The following GRIN2A variants were observed in gnomAD, a reference collection of about 807,000 sequenced individuals.
GRIN2A encodes the protein glutamate receptor ionotropic, NMDA 2A.
GRIN2A carries 22 observed loss-of-function variants against 113.4 expected under a neutral mutation model. That is an observed-to-expected ratio of 0.19 (90% CI 0.14 to 0.28). The LOEUF is 0.28. Ranked by LOEUF, GRIN2A falls within the 10% of genes least tolerant of loss-of-function variation. The pLI is 1.00. For missense variants in GRIN2A, 1,502 were observed against 1,887.0 expected, an observed-to-expected ratio of 0.80 and a Z score of 3.78; for synonymous variants, 827 against 738.4, an observed-to-expected ratio of 1.12 and a Z score of -1.94.
chr16:10,136,245 C>T (rs1001180023), intron 2 of GRIN2A, among the ~76,000 whole-genome samples: 3 of 152,028 alleles, frequency 2.0e-5, no homozygotes, highest in Non-Finnish European at 2.9e-5. Flanking sequence ...GCATAACTTC[C>T]AGCACACACA....
chr16:9,992,451 C>G (rs1472810629), intron 2 of GRIN2A, among the ~76,000 whole-genome samples: 1 of 152,170 alleles, frequency 6.6e-6, no homozygotes, highest in Non-Finnish European at 1.5e-5. Flanking sequence ...TGTTTCTGCC[C>G]TATTTCTTTG....
rs755577016 is a variant in GRIN2A, at chr16:9,764,233, G to A, written c.3311C>T (p.Thr1104Ile). 1.3e-5 allele frequency: 21 copies of A among 1,613,796 alleles called. No homozygotes were observed. Among genetic ancestry groups the A allele is most frequent in the South Asian group, 2.2e-5 (2 of 91,054 alleles). ...YPKDCSEVER[T>I]YLKTKSSSPR... ...GGAGCTTGATTTGGTTTTCAGGTAG[G>A]TGCGCTCGACCTCACTACAGTCCTT... The change falls in exon 13 of 13, where the codon ACC (threonine) becomes ATC (isoleucine). Residue 1104 changes from threonine to isoleucine, a missense_variant. Coordinates refer to ENST00000330684, the MANE Select transcript of GRIN2A (RefSeq NM_001134407.3).
intron 3 of GRIN2A, among the ~76,000 whole-genome samples, chr16:9,907,326 A>C (rs2044046497): frequency 6.6e-6 from 1 of 152,252 alleles, no homozygotes; most frequent in South Asian, 2.1e-4. Flanking sequence ...AGCTTGAATG[A>C]ATTGCAGAGG....
At chr16:10,079,447 G>A (rs2047938305) in intron 2 of GRIN2A, among the ~76,000 whole-genome samples, 1 of 152,306 alleles carries the variant, frequency 6.6e-6, no homozygotes, top group Non-Finnish European at 1.5e-5. Context: ...CTGAATGTCT[G>A]TATCCCTCCA....
intron 2 of GRIN2A, among the ~76,000 whole-genome samples, chr16:10,039,986 CTG>C (rs1567254225): frequency 2.9e-3 from 1 of 344 alleles, no homozygotes; most frequent in African/African-American, 9.4e-3. Flanking sequence ...CACCTCCACA[CTG>C]CACAAATACA....
chr16:10,019,027 A>G (rs1469157738), intron 2 of GRIN2A, among the ~76,000 whole-genome samples: 1 of 150,944 alleles, frequency 6.6e-6, no homozygotes, highest in African/African-American at 2.4e-5. Context: ...ATGATCATCC[A>G]TTTCCCAATA....
At chr16:9,926,946 A>G (rs2044478861) in intron 3 of GRIN2A, among the ~76,000 whole-genome samples, 2 of 151,404 alleles carry the variant, frequency 1.3e-5, no homozygotes, top group South Asian at 2.1e-4. Flanking sequence ...AAAAACATGC[A>G]CACAACACAG....
At chr16:10,105,517 G>A (rs1485669860) in intron 2 of GRIN2A, among the ~76,000 whole-genome samples, 3 of 152,008 alleles carry the variant, frequency 2.0e-5, no homozygotes, top group Non-Finnish European at 2.9e-5. Flanking sequence ...ATGGGGGAGG[G>A]GGTGTTTAAA....
intron 2 of GRIN2A, among the ~76,000 whole-genome samples, chr16:10,099,050 A>G (rs993734235): frequency 6.6e-6 from 1 of 152,270 alleles, no homozygotes; most frequent in African/African-American, 2.4e-5. Context: ...AAAATAATTT[A>G]GAAAATGCTC....
At chr16:9,823,542 T>C (rs925670871) in intron 9 of GRIN2A, among the ~76,000 whole-genome samples, 3 of 152,214 alleles carry the variant, frequency 2.0e-5, no homozygotes, top group Admixed American at 6.5e-5. Context: ...ACCTCATTTT[T>C]CTATGAAACA....
At chr16:10,062,743 T>C (rs1268047014) in intron 2 of GRIN2A, among the ~76,000 whole-genome samples, 2 of 151,998 alleles carry the variant, frequency 1.3e-5, no homozygotes, top group African/African-American at 4.8e-5. Context: ...CATATGTCTA[T>C]AATCCCGGCT....
chr16:9,926,490 T>C (rs537643769), intron 3 of GRIN2A, among the ~76,000 whole-genome samples: 17 of 152,352 alleles, frequency 1.1e-4, no homozygotes, highest in Non-Finnish European at 2.4e-4. Flanking sequence ...GAGACCTATG[T>C]TGTACACACT....
At chr16:9,786,956 T>C in intron 11 of GRIN2A, among the ~76,000 whole-genome samples, 1 of 152,174 alleles carries the variant, frequency 6.6e-6, no homozygotes, top group East Asian at 1.9e-4. Context: ...GACAATAAAG[T>C]CTTGTCAGAG....
intron 3 of GRIN2A, among the ~76,000 whole-genome samples, chr16:9,896,981 G>C (rs2043818766): frequency 6.6e-6 from 1 of 152,088 alleles, no homozygotes; most frequent in Non-Finnish European, 1.5e-5. Context: ...AGCTTTAGTG[G>C]TCAGATAAAA....
chr16:9,971,120 A>C (rs183869045), intron 2 of GRIN2A, among the ~76,000 whole-genome samples: 5 of 152,316 alleles, frequency 3.3e-5, no homozygotes, highest in Non-Finnish European at 5.9e-5. Flanking sequence ...GGTGGGGTGA[A>C]TTAAGGATGC....
At chr16:9,926,336 T>G (rs913808701) in intron 3 of GRIN2A, among the ~76,000 whole-genome samples, 1 of 152,184 alleles carries the variant, frequency 6.6e-6, no homozygotes, top group Non-Finnish European at 1.5e-5. Flanking sequence ...TGAGAAAATG[T>G]GGGCAAAAGA....
In GRIN2A at chr16:9,763,377, G is replaced by C. The variant is rs779614780; in HGVS notation, c.4167C>G (p.His1389Gln). Reference protein sequence around the residue: ...IGRCPSDPYKHSLPSQAVNDS... With the variant: ...IGRCPSDPYKQSLPSQAVNDS... ...CATTCACCGCCTGGGATGGCAACGA[G>C]TGTTTGTAAGGGTCCGAGGGGCATC... The change falls in exon 13 of 13, where the codon CAC (histidine) becomes CAG (glutamine). Residue 1389 changes from histidine to glutamine, a missense_variant. Transcript: ENST00000330684. The C allele has an allele frequency of 6.2e-7, 1 of 1,614,200 alleles. No homozygotes were observed. The highest frequency in any genetic ancestry group is 8.5e-7 in the Non-Finnish European group (1 of 1,180,034).
At position 9,909,934 on chromosome 16, in the gene GRIN2A, C is replaced by T. The variant is rs114230143; in HGVS notation, c.1008-18834G>A. Among the ~76,000 whole-genome samples the T allele has an allele frequency of 4.6e-3, 694 of 152,212 alleles. 5 individuals carry two copies. Among genetic ancestry groups the T allele is most frequent in the African/African-American group, 0.015 (641 of 41,494 alleles). Reference sequence around the variant, plus strand: ...CTTACAGATCTAGCAAAAAGTAATACATGTATTTCATGTAAACGGAATCAT... The same window carrying T: ...CTTACAGATCTAGCAAAAAGTAATATATGTATTTCATGTAAACGGAATCAT... On this transcript the variant is annotated intron_variant, in intron 3 of 12. Transcript: ENST00000330684.
At chr16:10,100,173 C>A (rs140051794) in intron 2 of GRIN2A, among the ~76,000 whole-genome samples, 1 of 152,244 alleles carries the variant, frequency 6.6e-6, no homozygotes, top group East Asian at 1.9e-4. Flanking sequence ...TAGCCGAGGT[C>A]AGCCATGAAG....
Sources: gnomAD v4.1 joint callset for allele counts (sites outside exome capture counted in the v4.1 genomes callset) on GRCh38, gnomAD v4.1.1 for gene constraint, MANE v1.5 for transcripts, NCBI Gene and HGNC (gene_info 2026-07-23, HGNC 2026-07-21) for gene names.